The following TTC28 variants were observed in gnomAD, a reference collection of about 807,000 sequenced individuals.
The protein encoded by TTC28 is tetratricopeptide repeat domain 28.
TTC28 carries 61 observed loss-of-function variants against 198.0 expected under a neutral mutation model. The observed-to-expected ratio is 0.31, with a 90% CI of 0.25 to 0.38. The LOEUF (loss-of-function observed/expected upper bound fraction) is 0.38, where lower values mean the gene tolerates loss of function less well. TTC28 is among the 10% of genes least tolerant of loss of function. The pLI, the probability that TTC28 is intolerant of heterozygous loss-of-function variation, is 1.00. For missense variants in TTC28, 2,678 were observed against 3,164.0 expected, an observed-to-expected ratio of 0.85 and a Z score of 3.69; for synonymous variants, 1,171 against 1,297.8, an observed-to-expected ratio of 0.90 and a Z score of 2.10.
chr22:28,071,747 G>GA (rs1940981234), intron 12 of TTC28, among the ~76,000 whole-genome samples: 1 of 112,434 alleles, frequency 8.9e-6, no homozygotes, highest in African/African-American at 3.8e-5. Flanking sequence ...AAAAAAAAAA[G>GA]GAAAAAAAAA....
intron 12 of TTC28, among the ~76,000 whole-genome samples, chr22:28,030,858 G>A (rs1939046257): frequency 2.0e-5 from 3 of 152,204 alleles, no homozygotes; most frequent in African/African-American, 7.2e-5. Flanking sequence ...GGGACATGCA[G>A]CCTAAAACGG....
At chr22:28,097,074 A>G (rs893584187) in intron 10 of TTC28, among the ~76,000 whole-genome samples, 3 of 152,076 alleles carry the variant, frequency 2.0e-5, no homozygotes, top group Non-Finnish European at 4.4e-5. Context: ...CAAGCTGTCT[A>G]TGCGTCTTCT....
intron 6 of TTC28, among the ~76,000 whole-genome samples, chr22:28,117,993 AT>A (rs1318189538): frequency 1.3e-5 from 2 of 152,236 alleles, no homozygotes; most frequent in Non-Finnish European, 2.9e-5. Context: ...CAAGTACCCC[AT>A]TTACCCCGAT....
intron 12 of TTC28, among the ~76,000 whole-genome samples, chr22:28,089,352 A>C (rs911041714): frequency 6.6e-6 from 1 of 151,710 alleles, no homozygotes; most frequent in Non-Finnish European, 1.5e-5. Context: ...TGATGAGTTC[A>C]TGTCCTTTGT....
chr22:28,373,427 C>G (rs978570515), intron 2 of TTC28, among the ~76,000 whole-genome samples: 1 of 152,168 alleles, frequency 6.6e-6, no homozygotes, highest in Non-Finnish European at 1.5e-5. Context: ...GTAACACTTA[C>G]TATCCTAGGG....
At chr22:28,051,082 T>C (rs184533488) in intron 12 of TTC28, among the ~76,000 whole-genome samples, 1 of 152,334 alleles carries the variant, frequency 6.6e-6, no homozygotes, top group Admixed American at 6.5e-5. Context: ...TGTAACCAAA[T>C]GCTAGGCAAC....
At chr22:28,618,838 C>T (rs768239053) in intron 2 of TTC28, among the ~76,000 whole-genome samples, 5 of 151,886 alleles carry the variant, frequency 3.3e-5, no homozygotes, top group Non-Finnish European at 4.4e-5. Flanking sequence ...AATGCCCAAT[C>T]GATGTTTTTG....
chr22:28,099,505 G>A (rs1296860191), intron 9 of TTC28, among the ~76,000 whole-genome samples: 1 of 152,168 alleles, frequency 6.6e-6, no homozygotes, highest in Non-Finnish European at 1.5e-5. Flanking sequence ...CCAGCTACCT[G>A]CCACTCGCCC....
chr22:28,116,960 C>T (rs966474173), intron 6 of TTC28, among the ~76,000 whole-genome samples: 6 of 152,208 alleles, frequency 3.9e-5, no homozygotes, highest in African/African-American at 1.4e-4. Context: ...GCTTGGATTA[C>T]CTTTCTTGCT....
At position 28,154,412 on chromosome 22, in the gene TTC28, C is replaced by T. The variant is rs955816139; in HGVS notation, c.1441+8680G>A. ...TGTCGCCCAGGCTGGAGTGCAGTGGCGCGATCTCGGCACACTGCAAGCTTT... is the reference window on the plus strand; with the variant it reads ...TGTCGCCCAGGCTGGAGTGCAGTGGTGCGATCTCGGCACACTGCAAGCTTT... On this transcript the variant is annotated intron_variant, in intron 6 of 22. Transcript: ENST00000397906. Among the ~76,000 whole-genome samples the T allele has an allele frequency of 4.1e-5, 6 of 146,386 alleles. No individual in the cohort carries two copies. In the East Asian group the frequency reaches 8.2e-4, roughly 20 times the overall value.
intron 6 of TTC28, among the ~76,000 whole-genome samples, chr22:28,138,672 C>T (rs1295987308): frequency 1.3e-5 from 2 of 152,138 alleles, no homozygotes; most frequent in Non-Finnish European, 2.9e-5. Context: ...CTTATCAAGG[C>T]CAAACAACTT....
chr22:27,998,104 G>C (rs1407602127), intron 16 of TTC28: 1 of 194,254 alleles, frequency 5.1e-6, no homozygotes, highest in African/African-American at 2.3e-5. Flanking sequence ...TGGTGTCATC[G>C]CACCACCATC....
At chr22:28,496,746 A>T (rs1354508777) in intron 2 of TTC28, among the ~76,000 whole-genome samples, 1 of 151,928 alleles carries the variant, frequency 6.6e-6, no homozygotes, top group Non-Finnish European at 1.5e-5. Context: ...TCAAACCCTA[A>T]GTCAGATAAA....
intron 2 of TTC28, among the ~76,000 whole-genome samples, chr22:28,339,296 C>A (rs1170765293): frequency 6.6e-6 from 1 of 152,180 alleles, no homozygotes; most frequent in Non-Finnish European, 1.5e-5. Context: ...TGTCAGTCTG[C>A]CTCTACTGGG....
chr22:28,201,480 T>A (rs1436405079), intron 5 of TTC28, among the ~76,000 whole-genome samples: 2 of 151,866 alleles, frequency 1.3e-5, no homozygotes, highest in Non-Finnish European at 2.9e-5. Flanking sequence ...CAGTAAGAAT[T>A]AGAAAGGATA....
chr22:28,639,162 T>C (rs1202897293), intron 1 of TTC28, among the ~76,000 whole-genome samples: 1 of 152,184 alleles, frequency 6.6e-6, no homozygotes, highest in Admixed American at 6.5e-5. Flanking sequence ...TTAGAAATAA[T>C]TTAAATGTTA....
intron 12 of TTC28, among the ~76,000 whole-genome samples, chr22:28,063,802 T>C (rs1181730817): frequency 6.6e-6 from 1 of 151,954 alleles, no homozygotes; most frequent in Non-Finnish European, 1.5e-5. Context: ...GATGAAGATA[T>C]TATCCCAAGC....
At chr22:28,283,846 G>T (rs1187840599) in intron 5 of TTC28, among the ~76,000 whole-genome samples, 2 of 152,112 alleles carry the variant, frequency 1.3e-5, no homozygotes, top group African/African-American at 4.8e-5. Flanking sequence ...ACTACATGTC[G>T]TTGGAAGTAT....
rs556955638 is a variant in TTC28 at position 28,491,326 on chromosome 22, T to G, written c.381+138226A>C. On this transcript the variant is annotated intron_variant, in intron 2 of 22. Transcript: ENST00000397906. ...CCACCATCAGAGTGAACAGGCAACC[T>G]ACAGAATGGGAGAAAATTTTTGCAA... 1.9e-4 allele frequency among the ~76,000 whole-genome samples: 29 copies of G among 152,240 alleles called. No individual in the cohort carries two copies. The South Asian group carries it at 5.2e-3, about 27-fold the overall frequency.
Sources: gnomAD v4.1 joint callset for allele counts (sites outside exome capture counted in the v4.1 genomes callset) on GRCh38, gnomAD v4.1.1 for gene constraint, MANE v1.5 for transcripts, NCBI Gene and HGNC (gene_info 2026-07-23, HGNC 2026-07-21) for gene names.